COL7A1: variants seen among roughly 807,000 people sequenced by gnomAD.
The protein encoded by COL7A1 is collagen alpha-1(VII) chain.
A neutral mutation model predicts 456.2 loss-of-function variants in COL7A1; 296 were observed. That is an observed-to-expected ratio of 0.65 (90% CI 0.59 to 0.71). COL7A1 has a LOEUF of 0.71. COL7A1 is among the 30% of genes least tolerant of loss of function. The pLI, the probability that COL7A1 is intolerant of heterozygous loss-of-function variation, is 0.00. For missense variants in COL7A1, 3,441 were observed against 4,017.2 expected (o/e 0.86, Z 3.88); for synonymous variants, 1,464 against 1,525.9 (o/e 0.96, Z 0.95).
At position 48,567,537 on chromosome 3, in the gene COL7A1, G is replaced by C. The variant is rs2043661053; in HGVS notation, c.8046+37C>G. On this transcript the variant is annotated intron_variant, in intron 109 of 118. Coordinates refer to ENST00000681320, the MANE Select transcript of COL7A1 (RefSeq NM_000094.4). This position sits in a 1 kb window ranked among gnomAD's most constrained non-coding sequence, Gnocchi z 4.3. ...ACCATGAGCTTCCCTGCCCCATCCT[G>C]ACTCCCTGTCATGTCCACTGTCCAC... 6.2e-7 allele frequency: 1 copy of C among 1,613,398 alleles called. No individual in the cohort carries two copies. The highest frequency in any genetic ancestry group is 8.5e-7 in the Non-Finnish European group (1 of 1,179,634).
intron 65 of COL7A1, 44 bp from the exon 66 acceptor site, chr3:48,577,071 C>T: frequency 6.2e-7 from 1 of 1,612,650 alleles, no homozygotes. Context: ...TCACTGGTGT[C>T]TGGCTGCAAG....
chr3:48,579,702 T>C lies in COL7A1; in HGVS notation c.5155-34A>G, dbSNP rs1163177268. 6.2e-7 allele frequency: 1 copy of C among 1,613,700 alleles called. No homozygotes were observed. Among genetic ancestry groups the C allele is most frequent in the South Asian group, 1.1e-5 (1 of 91,066 alleles). ...GAGATAAGCTTGCTGAGGAACAGCCTTGAAGCCAAGCCATGCCCAAGGTAG... is the reference window on the plus strand; with the variant it reads ...GAGATAAGCTTGCTGAGGAACAGCCCTGAAGCCAAGCCATGCCCAAGGTAG... On this transcript the variant is annotated intron_variant, in intron 58 of 118. Coordinates refer to ENST00000681320, the MANE Select transcript of COL7A1 (RefSeq NM_000094.4). The surrounding 1 kb of genome is among the most constrained non-coding windows in gnomAD (Gnocchi z 4.4).
rs2044209564 is a variant in COL7A1 at position 48,575,252 on chromosome 3, A to G, written c.6181-10T>C. 6.2e-7 allele frequency: 1 copy of G among 1,613,912 alleles called. No homozygotes were observed. Among genetic ancestry groups the G allele is most frequent in the Non-Finnish European group, 8.5e-7 (1 of 1,179,970 alleles). ...TCTCTCCCCGTTCTCCCTGAAATGC[A>G]AATAGCGGGTGAGGGCCAAGCCCAT... On this transcript the variant is annotated splice_polypyrimidine_tract_variant and intron_variant, in intron 74 of 118. Coordinates refer to ENST00000681320, the MANE Select transcript of COL7A1 (RefSeq NM_000094.4). The surrounding 1 kb of genome is among the most constrained non-coding windows in gnomAD (Gnocchi z 6.3).
At position 48,587,139 on chromosome 3, in the gene COL7A1, G is replaced by C. The variant is rs754747575; in HGVS notation, c.3140-31C>G. ...GGAAGGGGAACAAGTTACTGAAGCG[G>C]GCAGCCCACCCAGACACACCTTTCT... On this transcript the variant is annotated intron_variant, in intron 24 of 118. Coordinates refer to ENST00000681320, the MANE Select transcript of COL7A1 (RefSeq NM_000094.4). This position sits in a 1 kb window ranked among gnomAD's most constrained non-coding sequence, Gnocchi z 6.1. 2 of 1,613,420 alleles carry C rather than the reference G, an allele frequency of 1.2e-6. No homozygotes were observed. The highest frequency in any genetic ancestry group is 1.6e-4 in the Middle Eastern group (1 of 6,062).
In COL7A1 at chr3:48,583,097, G is replaced by C. The variant is rs909665055; in HGVS notation, c.4482+30C>G. ...GCTGAGTTGGGCCCAGATCCTCCAG[G>C]GCCCTTGGCACCCCCCAGGTTGCAC... On this transcript the variant is annotated intron_variant, in intron 43 of 118. Transcript: ENST00000681320. The surrounding 1 kb of genome is among the most constrained non-coding windows in gnomAD (Gnocchi z 5.1). 2 of 1,613,986 alleles carry C rather than the reference G, an allele frequency of 1.2e-6. No homozygotes were observed. The highest frequency in any genetic ancestry group is 1.7e-6 in the Non-Finnish European group (2 of 1,179,972).
At position 48,578,374 on chromosome 3, in the gene COL7A1, A is replaced by G. The variant is rs1033695331; in HGVS notation, c.5488-9T>C. On this transcript the variant is annotated splice_polypyrimidine_tract_variant and intron_variant, in intron 64 of 118. Coordinates refer to ENST00000681320, the MANE Select transcript of COL7A1 (RefSeq NM_000094.4). The surrounding 1 kb of genome is among the most constrained non-coding windows in gnomAD (Gnocchi z 4.7). ...TCCTCGCCTGGCTTTCCCTGTGGGA[A>G]CAGATCACTGGTTGGATGTCGGGGA... 1 of 1,613,296 alleles carries G rather than the reference A, an allele frequency of 6.2e-7. No individual in the cohort carries two copies. Among genetic ancestry groups the G allele is most frequent in the African/African-American group, 1.3e-5 (1 of 74,884 alleles).
At position 48,574,262 on chromosome 3, in the gene COL7A1, C is replaced by T. The variant is rs767539005; in HGVS notation, c.6501G>A (p.Pro2167=). ...ERGMAGPEGK[P]GLQGPRGPPG... is the part of the protein sequence containing the mutation. ...GCCAGGTGCTTCAGCCACCACTCAC[C>T]GGCTTCCCTTCAGGCCCAGCCATAC... The change falls in exon 80 of 119, where the codon CCG becomes CCA. Residue 2167 remains proline (P), a splice_region_variant and synonymous_variant. Transcript: ENST00000681320. The surrounding 1 kb of genome is among the most constrained non-coding windows in gnomAD (Gnocchi z 5.0). 1.4e-5 allele frequency: 23 copies of T among 1,613,984 alleles called. No homozygotes were observed. In the Admixed American group the frequency reaches 2.2e-4, roughly 15 times the overall value.
At chr3:48,576,645 C>T (rs748745332) in intron 68 of COL7A1, 31 bp downstream of exon 68, 3 of 1,595,160 alleles carry the variant, frequency 1.9e-6, no homozygotes, top group Non-Finnish European at 2.6e-6. Flanking sequence ...TTCTAATGCT[C>T]TGAAGTCCCA....
chr3:48,588,352 C>T lies in COL7A1; in HGVS notation c.2640G>A (p.Glu880=), dbSNP rs1422351490. 4 of 1,612,448 alleles carry T rather than the reference C, an allele frequency of 2.5e-6. No homozygotes were observed. In the South Asian group the frequency reaches 3.3e-5, roughly 13 times the overall value. ...GCTCCCAGCGCAGCCTCAGCGAGTG[C>T]TCCCCGCGCTGCACCACGTGAAGCG... ...LGTLHVVQRG[E]HSLRLRWEPV... The change falls in exon 21 of 119, where the codon GAG becomes GAA. Residue 880 remains glutamate, a synonymous_variant. Transcript: ENST00000681320. This position sits in a 1 kb window ranked among gnomAD's most constrained non-coding sequence, Gnocchi z 4.6.
Position 48,587,856 on chromosome 3 carries a change from C to G in COL7A1, c.2794G>C (p.Val932Leu). The change falls in exon 22 of 119, where the codon GTG becomes CTG. Residue 932 changes from valine (V) to leucine (L), a missense_variant. Val to Leu is a conservative substitution (Grantham distance 32). Transcript: ENST00000681320. This position sits in a 1 kb window ranked among gnomAD's most constrained non-coding sequence, Gnocchi z 6.1. ...GCTGGCCCTAGGACACTCAGCCTCA[C>G]GCGGTACTGTGTCGCTGGCTCCAGC... ...DGLEPATQYRVRLSVLGPAGE... is the reference protein window; with the variant it reads ...DGLEPATQYRLRLSVLGPAGE... The G allele has an allele frequency of 6.2e-7, 1 of 1,613,220 alleles. No individual in the cohort carries two copies. Among genetic ancestry groups the G allele is most frequent in the African/African-American group, 1.3e-5 (1 of 75,018 alleles).
Position 48,570,787 on chromosome 3 carries a change from A to AC in COL7A1, c.7272+73dup. On this transcript the variant is annotated intron_variant, in intron 95 of 118. Coordinates refer to ENST00000681320, the MANE Select transcript of COL7A1 (RefSeq NM_000094.4). The surrounding 1 kb of genome is among the most constrained non-coding windows in gnomAD (Gnocchi z 5.5). ...ACCCTCTGCCCCCTCAAGACTGGGA[A>AC]CCCCCAAGGCAGGGCCCCCTCCTCA... The AC allele has an allele frequency of 6.4e-7, 1 of 1,558,194 alleles. No homozygotes were observed. Among genetic ancestry groups the AC allele is most frequent in the Non-Finnish European group, 8.7e-7 (1 of 1,150,850 alleles).
Position 48,580,936 on chromosome 3 carries a change from G to C in COL7A1, c.4936-10C>G, listed in dbSNP as rs762905450. ...GCAAACCCGGGTCACCCTGGTGATA[G>C]AGAGAAAAGTCATACTGCACAGGGC... is the stretch of plus-strand genomic sequence containing the variant. On this transcript the variant is annotated splice_polypyrimidine_tract_variant and intron_variant, in intron 53 of 118. Coordinates refer to ENST00000681320, the MANE Select transcript of COL7A1 (RefSeq NM_000094.4). This position sits in a 1 kb window ranked among gnomAD's most constrained non-coding sequence, Gnocchi z 4.5. 8.1e-6 allele frequency: 13 copies of C among 1,614,006 alleles called. No individual in the cohort carries two copies. The South Asian group carries it at 1.2e-4, about 15-fold the overall frequency.
intron 67 of COL7A1, 21 bp downstream of exon 67, chr3:48,576,863 G>A: frequency 6.2e-7 from 1 of 1,614,094 alleles, no homozygotes; most frequent in Non-Finnish European, 8.5e-7. Context: ...GTCAGAGGTT[G>A]CAGAAAACTC....
chr3:48,569,610 C>T lies in COL7A1; in HGVS notation c.7596G>A (p.Arg2532=), dbSNP rs2043784055. 1.2e-6 allele frequency: 2 copies of T among 1,613,688 alleles called. No homozygotes were observed. Among genetic ancestry groups the T allele is most frequent in the South Asian group, 2.2e-5 (2 of 91,088 alleles). ...CACTCACCATGTCCCCCTTGGCACCCCGTGGGCCTGGAGGCCCCAGGATCA... is the reference window on the plus strand; with the variant it reads ...CACTCACCATGTCCCCCTTGGCACCTCGTGGGCCTGGAGGCCCCAGGATCA... ...SAVILGPPGP[R]GAKGDMGERG... is the part of the protein sequence containing the mutation. Residue 2532 remains arginine (R), a synonymous_variant, in exon 102 of 119, where the codon CGG becomes CGA. Transcript: ENST00000681320. This position sits in a 1 kb window ranked among gnomAD's most constrained non-coding sequence, Gnocchi z 4.9.
Position 48,568,195 on chromosome 3 carries a change from G to T in COL7A1, c.7795-25C>A, listed in dbSNP as rs755049255. The T allele has an allele frequency of 6.2e-7, 1 of 1,607,994 alleles. No homozygotes were observed. The highest frequency in any genetic ancestry group is 1.7e-5 in the Admixed American group (1 of 60,012). Reference sequence around the variant, plus strand: ...CCTAGCAGGGAGAGGGTCCATGTGAGGTCAGAGGAGGTCAGTGAGGGACCA... The same window carrying T: ...CCTAGCAGGGAGAGGGTCCATGTGATGTCAGAGGAGGTCAGTGAGGGACCA... On this transcript the variant is annotated intron_variant, in intron 105 of 118. Transcript: ENST00000681320. The surrounding 1 kb of genome is among the most constrained non-coding windows in gnomAD (Gnocchi z 5.2).
In COL7A1 at chr3:48,578,216, G is replaced by A; in HGVS notation, c.5532+105C>T. The A allele has an allele frequency of 7.8e-7, 1 of 1,275,120 alleles. No homozygotes were observed. The highest frequency in any genetic ancestry group is 2.6e-4 in the Middle Eastern group (1 of 3,832). The allele number at this position is 1,275,120 out of a possible 1,614,324, so 79.0% of individuals were successfully genotyped here. The stretch of plus-strand genomic sequence containing the variant: ...TGCATCTGTATGTCTGGGCCAGGAT[G>A]CATGTGTCTACACGTGTGCCTCATG... On this transcript the variant is annotated intron_variant, in intron 65 of 118. Transcript: ENST00000681320. The surrounding 1 kb of genome is among the most constrained non-coding windows in gnomAD (Gnocchi z 4.7).
At position 48,594,981 on chromosome 3, in the gene COL7A1, G is replaced by A; in HGVS notation, c.85+94C>T. On this transcript the variant is annotated intron_variant, in intron 2 of 118. Transcript: ENST00000681320. The surrounding 1 kb of genome is among the most constrained non-coding windows in gnomAD (Gnocchi z 5.5). ...CGCGGGGCGTCGTGGAGTTGGCTGGGTTGTGGGCGGGGGGTGTTGGGGATG... is the reference window on the plus strand; with the variant it reads ...CGCGGGGCGTCGTGGAGTTGGCTGGATTGTGGGCGGGGGGTGTTGGGGATG... 9.6e-7 allele frequency: 1 copy of A among 1,038,870 alleles called. No individual in the cohort carries two copies. Among genetic ancestry groups the A allele is most frequent in the Non-Finnish European group, 1.4e-6 (1 of 700,098 alleles). 64.4% of individuals were successfully genotyped at this position (1,038,870 alleles called of 1,614,324 possible). A position where few individuals can be genotyped will look rare whatever the true frequency, so the allele number is the denominator to read the frequency against.
In COL7A1 at chr3:48,573,757, G is replaced by A; in HGVS notation, c.6538-32C>T. 6.2e-7 allele frequency: 1 copy of A among 1,613,900 alleles called. No homozygotes were observed. The highest frequency in any genetic ancestry group is 8.5e-7 in the Non-Finnish European group (1 of 1,179,946). Reference sequence around the variant, plus strand: ...TGGCGAAAAAGAGTCTGATGAGGGGGAGTTAGCCGCACCCCACCAAGGAAA... The same window carrying A: ...TGGCGAAAAAGAGTCTGATGAGGGGAAGTTAGCCGCACCCCACCAAGGAAA... On this transcript the variant is annotated intron_variant, in intron 81 of 118. Coordinates refer to ENST00000681320, the MANE Select transcript of COL7A1 (RefSeq NM_000094.4). This position sits in a 1 kb window ranked among gnomAD's most constrained non-coding sequence, Gnocchi z 5.5.
In COL7A1 at chr3:48,571,969, C is replaced by A. The variant is rs777629492; in HGVS notation, c.7068+32G>T. 6.2e-7 allele frequency: 1 copy of A among 1,608,592 alleles called. No individual in the cohort carries two copies. The highest frequency in any genetic ancestry group is 2.2e-5 in the East Asian group (1 of 44,650). On this transcript the variant is annotated intron_variant, in intron 92 of 118. Coordinates refer to ENST00000681320, the MANE Select transcript of COL7A1 (RefSeq NM_000094.4). This position sits in a 1 kb window ranked among gnomAD's most constrained non-coding sequence, Gnocchi z 4.6. ...ATGCCCGCCATCACACTCCTCAGGC[C>A]AGGCTCGCCCTTGCCTAGGCCCCGG...
Sources: allele counts gnomAD v4.1 joint callset, GRCh38; gene constraint gnomAD v4.1.1; non-coding constraint Gnocchi (gnomAD v3.1); transcripts MANE v1.5; gene names NCBI Gene and HGNC (gene_info 2026-07-23, HGNC 2026-07-21).